The following CLEC20A variants were observed in gnomAD, a reference collection of about 807,000 sequenced individuals.
CLEC20A encodes putative C-type lectin domain family 20 member A.
intron 3 of CLEC20A, among the ~76,000 whole-genome samples, chr1:178,491,232 C>T (rs1387579099): frequency 2.0e-5 from 3 of 152,164 alleles, no homozygotes; most frequent in Non-Finnish European, 1.5e-5. Flanking sequence ...TCTGAGATTC[C>T]AGACAATGGA....
intron 2 of CLEC20A, among the ~76,000 whole-genome samples, 167 bp from the exon 3 acceptor site, chr1:178,492,733 G>A (rs764329572): frequency 1.1e-4 from 16 of 152,178 alleles, no homozygotes; most frequent in East Asian, 3.8e-4. Context: ...CTATTGTGTC[G>A]CAGATGCTAT....
chr1:178,485,093 C>T (rs1033928397), intron 5 of CLEC20A, among the ~76,000 whole-genome samples: 1 of 152,224 alleles, frequency 6.6e-6, no homozygotes, highest in East Asian at 1.9e-4. Context: ...TTAACATTGT[C>T]ACACATCTCC....
At chr1:178,495,033 G>A (rs543923492) in intron 1 of CLEC20A, among the ~76,000 whole-genome samples, 31 of 152,210 alleles carry the variant, frequency 2.0e-4, no homozygotes, top group East Asian at 1.7e-3. Context: ...CTCAATCCAC[G>A]ATTCCTATTC....
At chr1:178,498,488 G>A (rs2101882356), upstream of CLEC20A, among the ~76,000 whole-genome samples, 1 of 152,334 alleles carries the variant, frequency 6.6e-6, no homozygotes, top group Middle Eastern at 3.4e-3. Flanking sequence ...TACTCAGTAG[G>A]CTGAGACAGG....
chr1:178,498,496 A>G (rs981147302), upstream of CLEC20A, among the ~76,000 whole-genome samples: 1 of 152,200 alleles, frequency 6.6e-6, no homozygotes, highest in African/African-American at 2.4e-5. Context: ...AGGCTGAGAC[A>G]GGAGGATTGC....
chr1:178,483,533 G>T (rs773695183), intron 5 of CLEC20A: 2 of 338,810 alleles, frequency 5.9e-6, no homozygotes, highest in Non-Finnish European at 1.1e-5. Context: ...AGCAGGACCT[G>T]TGGGGCTTGG....
chr1:178,499,420 A>G (rs1262222176), upstream of CLEC20A: 1 of 152,198 alleles, frequency 6.6e-6, no homozygotes, highest in Non-Finnish European at 1.5e-5. Flanking sequence ...GAACTGGGAA[A>G]GGCAAGACAC....
chr1:178,486,753 C>T (rs1649156326), intron 5 of CLEC20A: 2 of 398,486 alleles, frequency 5.0e-6, no homozygotes. Flanking sequence ...CCCGAGAGGC[C>T]GCAGCAGGGC....
Position 178,480,504 on chromosome 1 carries a change from A to G in CLEC20A, c.1123-889T>C, listed in dbSNP as rs796403642. The stretch of plus-strand genomic sequence containing the variant: ...TATGCTACATTTGACTTTAAAGAGT[A>G]AACAACAGTGGCTCACGCCTGTAAT... On this transcript the variant is annotated intron_variant, in intron 7 of 7. Transcript: ENST00000623247. The G allele has an allele frequency of 2.0e-5, 3 of 152,534 alleles. No homozygotes were observed. In the East Asian group the frequency reaches 5.8e-4, roughly 29 times the overall value. 9.4% of individuals were successfully genotyped at this position (152,534 alleles called of 1,614,324 possible).
At chr1:178,494,843 T>A (rs1248956961) in intron 1 of CLEC20A, 33 bp from the exon 2 acceptor site, 1 of 398,978 alleles carries the variant, frequency 2.5e-6, no homozygotes. Flanking sequence ...AGCATGGCTG[T>A]CCCCACCCCA....
chr1:178,482,588 A>G (rs1223489783), intron 6 of CLEC20A, 191 bp from the exon 7 acceptor site: 1 of 390,384 alleles, frequency 2.6e-6, no homozygotes, highest in African/African-American at 2.1e-5. Flanking sequence ...GGCTGAAAAA[A>G]AGAGTCCCAT....
At chr1:178,494,534 G>T (rs1203905458) in exon 2 of CLEC20A, 7 of 399,414 alleles carry the variant, frequency 1.8e-5, no homozygotes, top group Non-Finnish European at 2.2e-5. Context: ...GTACAGCGTG[G>T]CACAGAAGCC....
At position 178,483,174 on chromosome 1, in the gene CLEC20A, C is replaced by G. The variant is rs1441978450; in HGVS notation, c.1036+1G>C. 7.5e-6 allele frequency: 3 copies of G among 398,498 alleles called. No homozygotes were observed. Among genetic ancestry groups the G allele is most frequent in the Non-Finnish European group, 1.3e-5 (3 of 226,100 alleles). 24.7% of individuals were successfully genotyped at this position (398,498 alleles called of 1,614,324 possible). On this transcript the variant is annotated splice_donor_variant, in intron 6 of 7. Coordinates refer to ENST00000623247, the Ensembl canonical transcript of CLEC20A. LOFTEE classifies it high-confidence loss of function. ...GGAACTTGGTAGACAGAAGCAGTTA[C>G]CTGATTTTTGTGCTGATGTTTTTTC...
intron 5 of CLEC20A, among the ~76,000 whole-genome samples, chr1:178,488,048 T>C (rs1447093082): frequency 1.3e-5 from 2 of 152,142 alleles, no homozygotes; most frequent in African/African-American, 4.8e-5. Context: ...CCTCATCCTC[T>C]CCCTGCAGAG....
intron 3 of CLEC20A, 25 bp from the exon 4 acceptor site, chr1:178,490,462 A>G (rs1649245491): frequency 2.5e-6 from 1 of 398,530 alleles, no homozygotes; most frequent in Non-Finnish European, 4.4e-6. Context: ...TGTGGAGATC[A>G]CTGGCCTGAG....
At chr1:178,496,213 A>C (rs974137730) in intron 1 of CLEC20A, 1 of 152,346 alleles carries the variant, frequency 6.6e-6, no homozygotes, top group Non-Finnish European at 1.5e-5. Flanking sequence ...CTCCAGCCCT[A>C]CCCGGGAGCC....
At chr1:178,480,451 G>A (rs1333459558) in intron 7 of CLEC20A, 1 of 152,220 alleles carries the variant, frequency 6.6e-6, no homozygotes, top group African/African-American at 2.4e-5. Context: ...CCCTTGAGGA[G>A]TGCTGAAGGG....
intron 7 of CLEC20A, chr1:178,480,771 G>C (rs1648950258): frequency 1.3e-5 from 2 of 151,510 alleles, no homozygotes; most frequent in African/African-American, 4.9e-5. Flanking sequence ...GACAGAGCAA[G>C]ACTCCGTCTT....
At chr1:178,497,648 T>G (rs1649432394), upstream of CLEC20A, among the ~76,000 whole-genome samples, 1 of 152,260 alleles carries the variant, frequency 6.6e-6, no homozygotes. Context: ...TCTCCCTCTA[T>G]CATTGGGTCT....
Sources: gnomAD v4.1 joint callset for allele counts (sites outside exome capture counted in the v4.1 genomes callset) on GRCh38, gnomAD v4.1.1 for gene constraint, MANE v1.5 for transcripts, NCBI Gene and HGNC (gene_info 2026-07-23, HGNC 2026-07-21) for gene names.